CPNE4: variants seen among roughly 807,000 people sequenced by gnomAD.
The protein encoded by CPNE4 is copine 4.
CPNE4 carries 25 observed loss-of-function variants against 67.9 expected under a neutral mutation model. The ratio of observed to expected loss-of-function variants is 0.37; its 90% CI spans 0.27 to 0.51. CPNE4 has a LOEUF of 0.51. CPNE4 is among the 20% of genes least tolerant of loss of function. The pLI is 0.93. For missense variants in CPNE4, 464 were observed against 690.8 expected, an observed-to-expected ratio of 0.67 and a Z score of 3.68; for synonymous variants, 242 against 244.9, an observed-to-expected ratio of 0.99 and a Z score of 0.11.
At chr3:131,630,106 A>T (rs1158741841) in intron 7 of CPNE4, among the ~76,000 whole-genome samples, 1 of 152,190 alleles carries the variant, frequency 6.6e-6, no homozygotes, top group Non-Finnish European at 1.5e-5. Context: ...TAAGTTTTAA[A>T]TTGCATGTGT....
chr3:131,877,004 CT>C (rs796325632), intron 2 of CPNE4, among the ~76,000 whole-genome samples: 376 of 146,690 alleles, frequency 2.6e-3, no homozygotes, highest in Non-Finnish European at 3.5e-3. Context: ...AAATAATGTA[CT>C]TTTTTTTTTT....
intron 3 of CPNE4, among the ~76,000 whole-genome samples, chr3:131,703,506 T>C (rs1013300502): frequency 6.6e-6 from 1 of 152,180 alleles, no homozygotes; most frequent in Non-Finnish European, 1.5e-5. Flanking sequence ...GTGGTTCTTC[T>C]CTAGCAAAGT....
intron 7 of CPNE4, among the ~76,000 whole-genome samples, chr3:131,613,201 T>A (rs957527206): frequency 6.6e-6 from 1 of 152,196 alleles, no homozygotes; most frequent in South Asian, 2.1e-4. Context: ...GGTTCTATAG[T>A]TGAGCTTCTT....
intron 1 of CPNE4, among the ~76,000 whole-genome samples, chr3:131,947,451 C>G (rs1475019453): frequency 6.6e-6 from 1 of 152,042 alleles, no homozygotes; most frequent in Admixed American, 6.5e-5. Flanking sequence ...GTGTTCTCAT[C>G]GTTCAACTCT....
At chr3:131,748,660 T>C in intron 2 of CPNE4, among the ~76,000 whole-genome samples, 1 of 152,098 alleles carries the variant, frequency 6.6e-6, no homozygotes, top group East Asian at 1.9e-4. Flanking sequence ...TTTTTGCAGT[T>C]TGTGTTTTTC....
At chr3:131,603,600 C>A (rs540136212) in intron 7 of CPNE4, among the ~76,000 whole-genome samples, 2 of 152,254 alleles carry the variant, frequency 1.3e-5, no homozygotes, top group South Asian at 4.1e-4. Flanking sequence ...CATAACCTTA[C>A]AACCCCAGGG....
intron 7 of CPNE4, among the ~76,000 whole-genome samples, chr3:131,631,690 T>C (rs1316502859): frequency 1.3e-5 from 2 of 152,122 alleles, no homozygotes; most frequent in African/African-American, 2.4e-5. Flanking sequence ...TTGCCTCTTA[T>C]AATACTAAAT....
At chr3:131,828,823 G>C (rs1405052390) in intron 2 of CPNE4, among the ~76,000 whole-genome samples, 1 of 152,074 alleles carries the variant, frequency 6.6e-6, no homozygotes, top group African/African-American at 2.4e-5. Context: ...GTGACAGTAA[G>C]ACCTGACTCT....
At chr3:131,846,880 T>G (rs1179378655) in intron 2 of CPNE4, among the ~76,000 whole-genome samples, 1 of 152,168 alleles carries the variant, frequency 6.6e-6, no homozygotes, top group Admixed American at 6.5e-5. Flanking sequence ...AGCTGCTAAT[T>G]CCAAAGGTGG....
chr3:131,603,724 C>A (rs1427802268), intron 7 of CPNE4, among the ~76,000 whole-genome samples: 1 of 152,160 alleles, frequency 6.6e-6, no homozygotes, highest in Non-Finnish European at 1.5e-5. Context: ...ATTGGAGAGA[C>A]ACCATGAGGA....
intron 2 of CPNE4, among the ~76,000 whole-genome samples, chr3:131,729,505 A>G (rs956701982): frequency 2.6e-5 from 4 of 152,188 alleles, no homozygotes; most frequent in African/African-American, 7.2e-5. Context: ...ATTTTAAGTG[A>G]CTGGCCTCAG....
chr3:132,003,037 T>C (rs968721742), intron 1 of CPNE4, among the ~76,000 whole-genome samples: 4 of 152,260 alleles, frequency 2.6e-5, no homozygotes, highest in African/African-American at 9.6e-5. Flanking sequence ...CTCCAGATGA[T>C]TCATATGCAC....
chr3:131,725,544 T>G (rs2081981380), intron 2 of CPNE4, among the ~76,000 whole-genome samples: 1 of 152,234 alleles, frequency 6.6e-6, no homozygotes, highest in Non-Finnish European at 1.5e-5. Flanking sequence ...TTATATGATG[T>G]TCATTCAGAG....
intron 1 of CPNE4, among the ~76,000 whole-genome samples, chr3:131,964,692 C>T (rs780466467): frequency 1.3e-5 from 2 of 151,764 alleles, no homozygotes; most frequent in Non-Finnish European, 2.9e-5. Flanking sequence ...TGAAAAGGAA[C>T]AAGAAAAGCC....
At chr3:131,953,238 TTAAAAAA>T (rs1192442149) in intron 1 of CPNE4, among the ~76,000 whole-genome samples, 29 of 75,702 alleles carry the variant, frequency 3.8e-4, no homozygotes, top group African/African-American at 1.4e-3. Flanking sequence ...GAATGATCAA[TTAAAAAA>T]AAAAAAAAAA....
At chr3:131,548,353 A>G (rs1935987757) in intron 14 of CPNE4, among the ~76,000 whole-genome samples, 1 of 152,114 alleles carries the variant, frequency 6.6e-6, no homozygotes, top group Admixed American at 6.6e-5. Context: ...TATACTAGTG[A>G]ACAAGTCTTA....
chr3:131,643,767 T>C (rs1002163506), intron 7 of CPNE4, among the ~76,000 whole-genome samples: 5 of 152,170 alleles, frequency 3.3e-5, no homozygotes, highest in African/African-American at 1.2e-4. Context: ...GTTCTCATGA[T>C]AATGAGTGAG....
chr3:131,825,886 T>C (rs1433769819), intron 2 of CPNE4, among the ~76,000 whole-genome samples: 1 of 152,168 alleles, frequency 6.6e-6, no homozygotes, highest in Non-Finnish European at 1.5e-5. Context: ...TGGAAGTAAT[T>C]TTCCACATTC....
At chr3:132,026,232 C>T (rs1205527383) in intron 1 of CPNE4, among the ~76,000 whole-genome samples, 2 of 152,096 alleles carry the variant, frequency 1.3e-5, no homozygotes, top group African/African-American at 4.8e-5. Context: ...AGGGAGTATC[C>T]TATGTGCCAA....
Sources: gnomAD v4.1 joint callset for allele counts (sites outside exome capture counted in the v4.1 genomes callset) on GRCh38, gnomAD v4.1.1 for gene constraint, MANE v1.5 for transcripts, NCBI Gene and HGNC (gene_info 2026-07-23, HGNC 2026-07-21) for gene names.